Variants in NPY2R observed in about 807,000 individuals in gnomAD.
NPY2R encodes the protein neuropeptide Y receptor Y2.
A neutral mutation model predicts 22.3 loss-of-function variants in NPY2R; 17 were observed. The observed-to-expected ratio is 0.76, with a 90% CI of 0.52 to 1.14. The LOEUF is 1.14. NPY2R is among the 50% of genes most tolerant of loss of function. The pLI, the probability that NPY2R is intolerant of heterozygous loss-of-function variation, is 0.00. For synonymous variants in NPY2R, 209 were observed against 183.4 expected (o/e 1.14, Z -1.13); for missense variants, 424 against 467.9 (o/e 0.91, Z 0.87).
chr4:155,202,704 C>T, the NPY2R span, among the ~76,000 whole-genome samples: 2 of 152,000 alleles, frequency 1.3e-5, no homozygotes, highest in African/African-American at 2.4e-5. Context: ...CAGGAGATAT[C>T]AATAGTAATT....
chr4:155,187,734 A>G, the NPY2R span, among the ~76,000 whole-genome samples: 240 of 152,294 alleles, frequency 1.6e-3, 2 homozygotes, highest in African/African-American at 5.6e-3. Flanking sequence ...CATCTTATTG[A>G]TGAAAGAGTA....
chr4:155,185,878 T>A, the NPY2R span, among the ~76,000 whole-genome samples: 1 of 141,574 alleles, frequency 7.1e-6, no homozygotes. Context: ...ATATTAACTT[T>A]TTCAGGGGTG....
chr4:155,210,423 G>T (rs957858938), intron 1 of NPY2R, among the ~76,000 whole-genome samples: 1 of 152,182 alleles, frequency 6.6e-6, no homozygotes, highest in Non-Finnish European at 1.5e-5. Context: ...CTTCCTCCTA[G>T]TAACCTTCAA....
At chr4:155,201,554 T>C in the NPY2R span, among the ~76,000 whole-genome samples, 1 of 152,078 alleles carries the variant, frequency 6.6e-6, no homozygotes, top group South Asian at 2.1e-4. Context: ...AAATAACTGT[T>C]TTAAGCCACT....
chr4:155,201,768 T>A, the NPY2R span, among the ~76,000 whole-genome samples: 1 of 152,080 alleles, frequency 6.6e-6, no homozygotes, highest in Admixed American at 6.6e-5. Flanking sequence ...TATAGAAAAT[T>A]GTGAAATTTT....
intron 1 of NPY2R, among the ~76,000 whole-genome samples, chr4:155,212,231 A>G (rs1381698938): frequency 6.6e-6 from 1 of 152,222 alleles, no homozygotes; most frequent in Non-Finnish European, 1.5e-5. Context: ...CTGAATGAAC[A>G]GTGGCAGCCT....
Position 155,214,194 on chromosome 4 carries a change from C to A in NPY2R, c.255C>A (p.Thr85=). 1 of 1,614,076 alleles carries A rather than the reference C, an allele frequency of 6.2e-7. No homozygotes were observed. Among genetic ancestry groups the A allele is most frequent in the Non-Finnish European group, 8.5e-7 (1 of 1,179,960 alleles). ...AATTCAAGAGCATGCGCACAGTAAC[C>A]AACTTTTTCATTGCCAATCTGGCTG... The part of the protein sequence containing the change: ...VIKFKSMRTV[T]NFFIANLAVA... The change falls in exon 2 of 2, where the codon ACC becomes ACA. Residue 85 remains threonine (T), a synonymous_variant. Coordinates refer to ENST00000329476, the MANE Select transcript of NPY2R (RefSeq NM_000910.4).
the NPY2R span, among the ~76,000 whole-genome samples, chr4:155,177,189 T>TC: frequency 2.0e-5 from 3 of 152,204 alleles, no homozygotes; most frequent in Non-Finnish European, 2.9e-5. Context: ...AAGTCCGTGT[T>TC]CTCACCTAAC....
chr4:155,174,462 T>TTATATATA, the NPY2R span, among the ~76,000 whole-genome samples: 2 of 116,618 alleles, frequency 1.7e-5, no homozygotes, highest in Non-Finnish European at 3.2e-5. Flanking sequence ...TGGCTAAGCT[T>TTATATATA]TATATATATA....
At chr4:155,212,602 G>A (rs893136630) in intron 1 of NPY2R, among the ~76,000 whole-genome samples, 2 of 152,240 alleles carry the variant, frequency 1.3e-5, no homozygotes, top group Admixed American at 6.5e-5. Flanking sequence ...GTAGACACTC[G>A]ATTATTTCTG....
chr4:155,204,102 G>A (rs746264694), upstream of NPY2R, among the ~76,000 whole-genome samples: 1 of 151,954 alleles, frequency 6.6e-6, no homozygotes, highest in Non-Finnish European at 1.5e-5. Context: ...ACATTCCAGC[G>A]GAACTGCACC....
chr4:155,187,125 G>A, the NPY2R span, among the ~76,000 whole-genome samples: 2 of 152,232 alleles, frequency 1.3e-5, no homozygotes, highest in South Asian at 2.1e-4. Context: ...ACAGATAAAG[G>A]TTTTTCTCAG....
chr4:155,179,676 C>T, the NPY2R span, among the ~76,000 whole-genome samples: 2,365 of 152,234 alleles, frequency 0.016, 53 homozygotes, highest in African/African-American at 0.053. Flanking sequence ...TTGGCTCATG[C>T]GAGCTCACTT....
chr4:155,189,406 G>C, the NPY2R span, among the ~76,000 whole-genome samples: 2 of 151,892 alleles, frequency 1.3e-5, no homozygotes, highest in Non-Finnish European at 2.9e-5. Flanking sequence ...CCTGTCCTCT[G>C]TCCTAGCCCC....
In NPY2R at chr4:155,214,149, G is replaced by T; in HGVS notation, c.210G>T (p.Leu70Phe). ...IILLGVIGNS[L>F]VIHVVIKFKS... ...TGCTTGGGGTAATTGGCAACTCCTT[G>T]GTGATCCATGTGGTGATCAAATTCA... Residue 70 changes from leucine (L) to phenylalanine (F), a missense_variant, in exon 2 of 2, where the codon TTG becomes TTT. Leu to Phe is a conservative substitution (Grantham distance 22). Coordinates refer to ENST00000329476, the MANE Select transcript of NPY2R (RefSeq NM_000910.4). 6.2e-7 allele frequency: 1 copy of T among 1,613,618 alleles called. No individual in the cohort carries two copies. The highest frequency in any genetic ancestry group is 8.5e-7 in the Non-Finnish European group (1 of 1,179,558).
the NPY2R span, among the ~76,000 whole-genome samples, chr4:155,191,191 A>G: frequency 6.6e-6 from 1 of 151,868 alleles, no homozygotes; most frequent in East Asian, 1.9e-4. Flanking sequence ...CATTCTCCCA[A>G]ATTTTGAAAG....
chr4:155,184,573 T>C, the NPY2R span, among the ~76,000 whole-genome samples: 2 of 152,174 alleles, frequency 1.3e-5, no homozygotes, highest in Non-Finnish European at 2.9e-5. Context: ...CTACCAGGAA[T>C]GACCCATGAA....
the NPY2R span, among the ~76,000 whole-genome samples, chr4:155,195,102 C>A: frequency 6.6e-6 from 1 of 151,876 alleles, no homozygotes; most frequent in Non-Finnish European, 1.5e-5. Flanking sequence ...CTTATATCTA[C>A]AAATAATTTT....
In NPY2R at chr4:155,213,951, A is replaced by G. The variant is rs749665481; in HGVS notation, c.12A>G (p.Ile4Met). 6.2e-7 allele frequency: 1 copy of G among 1,613,986 alleles called. No homozygotes were observed. The highest frequency in any genetic ancestry group is 8.5e-7 in the Non-Finnish European group (1 of 1,179,976). Residue 4 changes from isoleucine (I) to methionine (M), a missense_variant, in exon 2 of 2, where the codon ATA becomes ATG. Physicochemically the swap from Ile to Met is conservative, Grantham distance 10. Coordinates refer to ENST00000329476, the MANE Select transcript of NPY2R (RefSeq NM_000910.4). The stretch of plus-strand genomic sequence containing the variant: ...GACCTGTACTGAAAATGGGTCCAAT[A>G]GGTGCAGAGGCTGATGAGAACCAGA... MGP[I>M]GAEADENQTV...
Sources: allele counts gnomAD v4.1 joint callset (sites outside exome capture counted in the v4.1 genomes callset), GRCh38; gene constraint gnomAD v4.1.1; transcripts MANE v1.5; gene names NCBI Gene and HGNC (gene_info 2026-07-23, HGNC 2026-07-21).